RARB: variants seen among roughly 807,000 people sequenced by gnomAD.
RARB encodes the protein HBV-activated protein.
In RARB, 17 loss-of-function variants were observed where a neutral mutation model predicts 51.9. The ratio of observed to expected loss-of-function variants is 0.33; its 90% CI spans 0.22 to 0.49. The LOEUF (loss-of-function observed/expected upper bound fraction) is 0.49. Among genes scored for constraint, RARB ranks in the 20% least tolerant of loss-of-function variants. The pLI, the probability that RARB is intolerant of heterozygous loss-of-function variation, is 0.99. For missense variants in RARB, 369 were observed against 550.8 expected (o/e 0.67, Z 3.30); for synonymous variants, 215 against 195.4 (o/e 1.10, Z -0.84).
chr3:25,163,254 G>A (rs1027401328), intron 4 of RARB, among the ~76,000 whole-genome samples: 1 of 151,960 alleles, frequency 6.6e-6, no homozygotes, highest in African/African-American at 2.4e-5. Context: ...CTATGATCCC[G>A]GCACTTCAGG....
intron 5 of RARB, among the ~76,000 whole-genome samples, chr3:25,417,885 A>G (rs1198339674): frequency 6.6e-6 from 1 of 152,194 alleles, no homozygotes; most frequent in Non-Finnish European, 1.5e-5. Flanking sequence ...TCTAGAGGTA[A>G]ATGCTCCAGG....
chr3:25,580,858 T>C lies in RARB; in HGVS notation c.786+136T>C, dbSNP rs941883813. 153 of 932,784 alleles carry C rather than the reference T, an allele frequency of 1.6e-4. 1 individual carries two copies. Among genetic ancestry groups the C allele is most frequent in the Non-Finnish European group, 3.4e-5 (22 of 652,594 alleles). The allele number at this position is 932,784 out of a possible 1,614,324, so 57.8% of individuals were successfully genotyped here. ...CGACTCTAGCACTCACCTGACTTAG[T>C]AGGTGGACTCACCTAGCCTCTGGCT... On this transcript the variant is annotated intron_variant, in intron 5 of 7. Transcript: ENST00000330688.
At chr3:25,590,068 C>G (rs1451462759) in intron 5 of RARB, among the ~76,000 whole-genome samples, 1 of 152,174 alleles carries the variant, frequency 6.6e-6, no homozygotes, top group African/African-American at 2.4e-5. Context: ...AGGGAGGCTC[C>G]TCAGATAAAA....
rs931618024 is a variant in RARB at position 25,466,556 on chromosome 3, A to G, written c.306+5215A>G. Among the ~76,000 whole-genome samples the G allele has an allele frequency of 4.2e-4, 64 of 152,204 alleles. 1 individual carries two copies. Among genetic ancestry groups the G allele is most frequent in the Non-Finnish European group, 3.5e-4 (24 of 68,042 alleles). On this transcript the variant is annotated intron_variant, in intron 2 of 7. Coordinates refer to ENST00000330688, the MANE Select transcript of RARB (RefSeq NM_000965.5). ...TTTTGCACACAGTGATGTAACATCA[A>G]TTATAATCTTAGTACTGTTCTTGTA...
intron 5 of RARB, among the ~76,000 whole-genome samples, chr3:25,411,936 A>AG (rs1452589894): frequency 1.3e-5 from 2 of 152,228 alleles, no homozygotes; most frequent in African/African-American, 4.8e-5. Flanking sequence ...AAGGCTAGGT[A>AG]GGAAGAGGGC....
chr3:25,101,069 T>C (rs1019873563), intron 3 of RARB, among the ~76,000 whole-genome samples: 4 of 152,186 alleles, frequency 2.6e-5, no homozygotes, highest in African/African-American at 9.6e-5. Flanking sequence ...TGGTGGAACA[T>C]CACCTCTGGA....
chr3:24,838,171 C>G (rs891018730), intron 1 of RARB, among the ~76,000 whole-genome samples: 28 of 152,282 alleles, frequency 1.8e-4, no homozygotes, highest in African/African-American at 6.7e-4. Context: ...TCTTCAAAGT[C>G]AGCAACAGTG....
intron 3 of RARB, among the ~76,000 whole-genome samples, chr3:25,106,451 G>GGTTTTTTTTTTTTTTTTTTTTTTTTTTT (rs1575163102): frequency 1.4e-5 from 1 of 70,534 alleles, no homozygotes; most frequent in Non-Finnish European, 2.6e-5. Flanking sequence ...ACTGTTTTTT[G>GGTTTTTTTTTTTTTTTTTTTTTTTTTTT]TTTTTTGTTT....
At chr3:25,514,037 C>G (rs1383764026) in intron 3 of RARB, among the ~76,000 whole-genome samples, 1 of 152,196 alleles carries the variant, frequency 6.6e-6, no homozygotes, top group African/African-American at 2.4e-5. Flanking sequence ...GCAGAGAGCC[C>G]TTTGTTTGGA....
intron 2 of RARB, among the ~76,000 whole-genome samples, chr3:25,014,138 T>C (rs1457280813): frequency 8.5e-5 from 13 of 152,102 alleles, no homozygotes; most frequent in African/African-American, 3.1e-4. Context: ...ACTGAGGCCA[T>C]TTTGTGGCAT....
intron 5 of RARB, among the ~76,000 whole-genome samples, chr3:25,267,746 T>C (rs938816619): frequency 6.6e-6 from 1 of 152,200 alleles, no homozygotes; most frequent in Admixed American, 6.6e-5. Flanking sequence ...AAGTTCATTT[T>C]ATGTGACTGG....
intron 5 of RARB, among the ~76,000 whole-genome samples, chr3:25,347,727 A>G (rs933837526): frequency 1.3e-5 from 2 of 152,202 alleles, no homozygotes; most frequent in African/African-American, 4.8e-5. Context: ...CAGGATTTGT[A>G]TTTTATGAAG....
intron 5 of RARB, among the ~76,000 whole-genome samples, chr3:25,194,810 T>A (rs979759982): frequency 2.0e-5 from 3 of 151,960 alleles, no homozygotes; most frequent in Non-Finnish European, 4.4e-5. Context: ...TTTTGTTAAT[T>A]TCTGTGAACC....
chr3:25,317,449 A>T (rs1704456853), intron 5 of RARB, among the ~76,000 whole-genome samples: 1 of 152,196 alleles, frequency 6.6e-6, no homozygotes, highest in Non-Finnish European at 1.5e-5. Flanking sequence ...TTTAATCTTG[A>T]ACAGCAAAGA....
chr3:25,570,033 C>G, intron 4 of RARB, 115 bp downstream of exon 4: 1 of 1,372,354 alleles, frequency 7.3e-7, no homozygotes, highest in Non-Finnish European at 9.9e-7. Context: ...TTGCACTGGG[C>G]CTGGCAGGGG....
intron 5 of RARB, among the ~76,000 whole-genome samples, chr3:25,331,387 A>G (rs1704890930): frequency 6.6e-6 from 1 of 152,206 alleles, no homozygotes; most frequent in Non-Finnish European, 1.5e-5. Flanking sequence ...AGAACAGCTC[A>G]ACTACATGGA....
At chr3:25,186,255 C>G (rs1337684272) in intron 5 of RARB, among the ~76,000 whole-genome samples, 1 of 152,026 alleles carries the variant, frequency 6.6e-6, no homozygotes, top group Non-Finnish European at 1.5e-5. Context: ...CATTTTATAT[C>G]CAGTACAGAT....
At chr3:25,477,401 A>G (rs774402835) in intron 2 of RARB, among the ~76,000 whole-genome samples, 5 of 152,152 alleles carry the variant, frequency 3.3e-5, no homozygotes, top group African/African-American at 4.8e-5. Flanking sequence ...CCTTTACACA[A>G]TGGTTGAACT....
At chr3:25,063,708 CTTTTTT>C (rs749930990) in intron 3 of RARB, among the ~76,000 whole-genome samples, 1 of 138,368 alleles carries the variant, frequency 7.2e-6, no homozygotes, top group Non-Finnish European at 1.6e-5. Flanking sequence ...TAGTTTGAGA[CTTTTTT>C]TTTTTTTTTT....
Sources: gnomAD v4.1 joint callset for allele counts (sites outside exome capture counted in the v4.1 genomes callset) on GRCh38, gnomAD v4.1.1 for gene constraint, MANE v1.5 for transcripts, NCBI Gene and HGNC (gene_info 2026-07-23, HGNC 2026-07-21) for gene names.